Variants in BDKRB2 observed in about 807,000 individuals in gnomAD.
The protein encoded by BDKRB2 is B2 bradykinin receptor.
Under a neutral mutation model 4.0 loss-of-function variants are expected in BDKRB2, and 6 were observed. The ratio of observed to expected loss-of-function variants is 1.49; its 90% confidence interval spans 0.81 to 2.93. The LOEUF (loss-of-function observed/expected upper bound fraction) is 2.93. BDKRB2 is among the 30% of genes most tolerant of loss of function. The probability of loss-of-function intolerance (pLI) is 0.00; values close to 1 mark genes in which losing one functional copy is unlikely to be tolerated. For synonymous variants in BDKRB2, 225 were observed against 215.3 expected, an observed-to-expected ratio of 1.05 and a Z score of -0.40; for missense variants, 478 against 520.1, an observed-to-expected ratio of 0.92 and a Z score of 0.79.
chr14:96,237,973 G>A, intron 2 of BDKRB2: 1 of 1,186,094 alleles, frequency 8.4e-7, no homozygotes, highest in Non-Finnish European at 1.1e-6. Flanking sequence ...GGGGTATGCA[G>A]GAAATGGGTT....
rs936663059 is a variant in BDKRB2, at chr14:96,242,568, A to G, written c.*1064A>G. 1.3e-4 allele frequency: 20 copies of G among 152,272 alleles called. No homozygotes were observed. Among genetic ancestry groups the G allele is most frequent in the African/African-American group, 4.6e-4 (19 of 41,478 alleles). The allele number at this position is 152,272 out of a possible 1,614,324, so 9.4% of individuals were successfully genotyped here. A position where few individuals can be genotyped will look rare whatever the true frequency, so the allele number is the denominator to read the frequency against. On this transcript the variant is annotated 3_prime_UTR_variant, in exon 3 of 3. Coordinates refer to ENST00000554311, the MANE Select transcript of BDKRB2 (RefSeq NM_001379692.1). ...GGTGTGAAGCACCAGTGTCTGGCAC[A>G]CAGTAGGTGCTCATTGGCTCCCTTC...
chr14:96,213,043 G>T (rs1200180567), intron 1 of BDKRB2, among the ~76,000 whole-genome samples: 1 of 152,136 alleles, frequency 6.6e-6, no homozygotes, highest in Non-Finnish European at 1.5e-5. Context: ...TGGCCCGATT[G>T]TTCAACAGTC....
At position 96,238,951 on chromosome 14, in the gene BDKRB2, A is replaced by C. The variant is rs1209585899; in HGVS notation, c.75-1452A>C. 3 of 985,334 alleles carry C rather than the reference A, an allele frequency of 3.0e-6. No homozygotes were observed. In the African/African-American group the frequency reaches 5.2e-5, roughly 17 times the overall value. 61.0% of individuals were successfully genotyped at this position (985,334 alleles called of 1,614,324 possible). A position where few individuals can be genotyped will look rare whatever the true frequency, so the allele number is the denominator to read the frequency against. ...CTCAGCACAGAGCAGACGCTCAAAA[A>C]ACATTTAAAGGATAGAAGCATTGAT... On this transcript the variant is annotated intron_variant, in intron 2 of 2. Transcript: ENST00000554311.
chr14:96,223,979 T>G (rs1376842953), intron 1 of BDKRB2, among the ~76,000 whole-genome samples: 1 of 152,172 alleles, frequency 6.6e-6, no homozygotes, highest in East Asian at 1.9e-4. Flanking sequence ...TAATACTTCC[T>G]GGATAGTTGA....
intron 1 of BDKRB2, among the ~76,000 whole-genome samples, chr14:96,218,989 A>G (rs1890491378): frequency 6.6e-6 from 1 of 151,976 alleles, no homozygotes. Context: ...AAATGAGTTA[A>G]TATCTGTGAA....
chr14:96,208,277 A>T (rs1288239132), intron 1 of BDKRB2, among the ~76,000 whole-genome samples: 1 of 152,208 alleles, frequency 6.6e-6, no homozygotes, highest in African/African-American at 2.4e-5. Flanking sequence ...GAACAAACGT[A>T]AGGCATGAAG....
At chr14:96,235,263 G>A (rs1890904605) in intron 1 of BDKRB2, among the ~76,000 whole-genome samples, 1 of 145,806 alleles carries the variant, frequency 6.9e-6, no homozygotes, top group South Asian at 2.1e-4. Context: ...CAGGAGAATC[G>A]CTTGAACCCG....
At chr14:96,239,640 G>T in intron 2 of BDKRB2, 1 of 964,580 alleles carries the variant, frequency 1.0e-6, no homozygotes, top group Non-Finnish European at 1.2e-6. Flanking sequence ...TTTGCACATT[G>T]TCTCTGATCC....
intron 1 of BDKRB2, among the ~76,000 whole-genome samples, chr14:96,235,521 T>C (rs1360663721): frequency 1.3e-5 from 2 of 152,184 alleles, no homozygotes; most frequent in Admixed American, 1.3e-4. Context: ...TGCTGCTCGT[T>C]GCATCCTTTG....
chr14:96,222,254 C>T (rs1890588759), intron 1 of BDKRB2, among the ~76,000 whole-genome samples: 1 of 152,136 alleles, frequency 6.6e-6, no homozygotes, highest in Non-Finnish European at 1.5e-5. Context: ...TCTCTGGGGG[C>T]ACCACCAGCT....
At chr14:96,237,038 G>A (rs1242244629) in intron 1 of BDKRB2, 31 bp from the exon 2 acceptor site, 1 of 1,317,036 alleles carries the variant, frequency 7.6e-7, no homozygotes, top group East Asian at 2.3e-5. Flanking sequence ...CAGCCCCTGT[G>A]CCATCTAACC....
At chr14:96,224,302 C>A (rs906301807) in intron 1 of BDKRB2, among the ~76,000 whole-genome samples, 7 of 152,138 alleles carry the variant, frequency 4.6e-5, no homozygotes, top group African/African-American at 1.7e-4. Flanking sequence ...AAAAAAAGAA[C>A]CATCATCTCC....
At chr14:96,209,128 G>A (rs1386972655) in intron 1 of BDKRB2, among the ~76,000 whole-genome samples, 1 of 151,736 alleles carries the variant, frequency 6.6e-6, no homozygotes, top group East Asian at 1.9e-4. Flanking sequence ...CTGGAGACTG[G>A]TCACCCACGC....
chr14:96,221,417 C>T (rs543487306), intron 1 of BDKRB2, among the ~76,000 whole-genome samples: 27 of 152,228 alleles, frequency 1.8e-4, no homozygotes, highest in Non-Finnish European at 3.2e-4. Context: ...CTGTCTGGAG[C>T]CCTGCTGGCT....
intron 1 of BDKRB2, among the ~76,000 whole-genome samples, chr14:96,213,358 T>C (rs1890345094): frequency 6.6e-6 from 1 of 152,162 alleles, no homozygotes; most frequent in East Asian, 1.9e-4. Context: ...GCTCTCTGAA[T>C]CTGTAACCCC....
chr14:96,223,996 T>C (rs1298737947), intron 1 of BDKRB2, among the ~76,000 whole-genome samples: 1 of 152,140 alleles, frequency 6.6e-6, no homozygotes, highest in Non-Finnish European at 1.5e-5. Flanking sequence ...TTGATGCCAT[T>C]TAGGAATTAT....
At chr14:96,218,591 C>G (rs1890481400) in intron 1 of BDKRB2, among the ~76,000 whole-genome samples, 2 of 152,174 alleles carry the variant, frequency 1.3e-5, no homozygotes, top group Non-Finnish European at 2.9e-5. Context: ...CTCGCTGAGG[C>G]TGGGTTTCCC....
At chr14:96,205,322 G>C (rs564794645) in intron 1 of BDKRB2, among the ~76,000 whole-genome samples, 149 of 152,244 alleles carry the variant, frequency 9.8e-4, no homozygotes, top group African/African-American at 3.1e-3. Flanking sequence ...ACGGGTGCTG[G>C]GTGGAGGCTC....
chr14:96,209,068 C>T (rs1890248478), intron 1 of BDKRB2, among the ~76,000 whole-genome samples: 1 of 152,214 alleles, frequency 6.6e-6, no homozygotes, highest in African/African-American at 2.4e-5. Flanking sequence ...ACTCCAGTGG[C>T]AGGGTGGTCT....
Sources: gnomAD v4.1 joint callset for allele counts (sites outside exome capture counted in the v4.1 genomes callset) on GRCh38, gnomAD v4.1.1 for gene constraint, MANE v1.5 for transcripts, NCBI Gene and HGNC (gene_info 2026-07-23, HGNC 2026-07-21) for gene names.